GPD2: variants seen among roughly 807,000 people sequenced by gnomAD.
GPD2 encodes the protein glycerol-3-phosphate dehydrogenase, mitochondrial.
Under a neutral mutation model 82.4 loss-of-function variants are expected in GPD2, and 54 were observed. That is an observed-to-expected ratio of 0.66 (90% CI 0.53 to 0.82). The LOEUF (loss-of-function observed/expected upper bound fraction) is 0.82, where lower values mean the gene tolerates loss of function less well. Among genes scored for constraint, GPD2 ranks in the 40% least tolerant of loss-of-function variants. The pLI is 0.00. For synonymous variants in GPD2, 288 were observed against 306.1 expected (o/e 0.94, Z 0.62); for missense variants, 748 against 896.2 (o/e 0.83, Z 2.11).
At position 156,583,062 on chromosome 2, in the gene GPD2, G is replaced by T; in HGVS notation, c.*144G>T. 2.3e-6 allele frequency: 2 copies of T among 853,474 alleles called. No individual in the cohort carries two copies. Among genetic ancestry groups the T allele is most frequent in the Non-Finnish European group, 3.8e-6 (2 of 520,354 alleles). The allele number at this position is 853,474 out of a possible 1,614,324, so 52.9% of individuals were successfully genotyped here. A position where few individuals can be genotyped will look rare whatever the true frequency, so the allele number is the denominator to read the frequency against. On this transcript the variant is annotated 3_prime_UTR_variant, in exon 17 of 17. Transcript: ENST00000438166. ...AGAAAACATTCCAAAACTTTAAGGTGTTGGTGTATTTGCCAGCTTTATTTG... is the reference window on the plus strand; with the variant it reads ...AGAAAACATTCCAAAACTTTAAGGTTTTGGTGTATTTGCCAGCTTTATTTG...
chr2:156,496,727 G>A (rs1684395984), intron 3 of GPD2, among the ~76,000 whole-genome samples: 1 of 151,582 alleles, frequency 6.6e-6, no homozygotes, highest in Non-Finnish European at 1.5e-5. Flanking sequence ...TTTTTTTAAA[G>A]CACATATTTA....
At chr2:156,414,145 G>A in the GPD2 span, among the ~76,000 whole-genome samples, 4 of 152,066 alleles carry the variant, frequency 2.6e-5, no homozygotes, top group African/African-American at 9.7e-5. Context: ...AAAGAATAGG[G>A]TCTTGATGTT....
At chr2:156,533,474 T>C (rs1262080560) in intron 6 of GPD2, among the ~76,000 whole-genome samples, 1 of 152,222 alleles carries the variant, frequency 6.6e-6, no homozygotes, top group Non-Finnish European at 1.5e-5. Flanking sequence ...TTTTAGTCCA[T>C]TGAATAATCT....
chr2:156,510,332 C>T (rs775829465), intron 3 of GPD2, among the ~76,000 whole-genome samples: 2 of 152,108 alleles, frequency 1.3e-5, no homozygotes, highest in Non-Finnish European at 2.9e-5. Context: ...AGTCAACACA[C>T]AGAAGGAAGT....
intron 6 of GPD2, among the ~76,000 whole-genome samples, chr2:156,531,217 C>T (rs946051309): frequency 6.6e-6 from 1 of 152,196 alleles, no homozygotes; most frequent in African/African-American, 2.4e-5. Context: ...TTTAATTCAC[C>T]CCTGCCCCCT....
At chr2:156,465,169 A>G (rs298254) in intron 1 of GPD2, among the ~76,000 whole-genome samples, 139,871 of 152,230 alleles carry the variant, frequency 0.92, 65,421 homozygotes, top group East Asian at 1. Flanking sequence ...GTTTTCTTAC[A>G]AAACATTTTA....
At chr2:156,410,614 T>C in the GPD2 span, among the ~76,000 whole-genome samples, 4 of 152,190 alleles carry the variant, frequency 2.6e-5, no homozygotes, top group African/African-American at 7.2e-5. Flanking sequence ...CAAGCAACCC[T>C]CCCGTCTCAC....
chr2:156,551,139 T>A (rs1686743690), intron 8 of GPD2, among the ~76,000 whole-genome samples: 1 of 152,192 alleles, frequency 6.6e-6, no homozygotes, highest in Non-Finnish European at 1.5e-5. Flanking sequence ...AATTTGCTTA[T>A]GAAGAATCTG....
the GPD2 span, among the ~76,000 whole-genome samples, chr2:156,403,497 C>G: frequency 1.3e-5 from 2 of 152,150 alleles, no homozygotes; most frequent in Non-Finnish European, 2.9e-5. Flanking sequence ...GAAAAAGGCT[C>G]TACACCATCC....
At chr2:156,482,084 T>C (rs1468677715) in intron 2 of GPD2, among the ~76,000 whole-genome samples, 1 of 152,178 alleles carries the variant, frequency 6.6e-6, no homozygotes, top group Admixed American at 6.5e-5. Flanking sequence ...TTACCTCTTA[T>C]GAGATTCCCA....
intron 16 of GPD2, among the ~76,000 whole-genome samples, 198 bp downstream of exon 16, chr2:156,579,986 T>C (rs894665622): frequency 6.6e-6 from 1 of 152,218 alleles, no homozygotes; most frequent in Admixed American, 6.5e-5. Context: ...ATTCTTTTCC[T>C]TTTTTTGTAT....
chr2:156,483,955 A>C (rs1683831233), intron 2 of GPD2, among the ~76,000 whole-genome samples: 1 of 150,200 alleles, frequency 6.7e-6, no homozygotes. Context: ...TGTAGCTGAA[A>C]CTATCACATG....
At chr2:156,448,434 A>G (rs925602637) in intron 1 of GPD2, among the ~76,000 whole-genome samples, 3 of 152,224 alleles carry the variant, frequency 2.0e-5, no homozygotes, top group African/African-American at 7.2e-5. Context: ...TTTTCTACAA[A>G]TAAGATTATA....
At chr2:156,461,876 T>C (rs1289405650) in intron 1 of GPD2, among the ~76,000 whole-genome samples, 1 of 152,224 alleles carries the variant, frequency 6.6e-6, no homozygotes, top group Non-Finnish European at 1.5e-5. Flanking sequence ...TGAATGTATG[T>C]TACCTGAACC....
At chr2:156,535,297 GAGAA>G (rs1355107650) in intron 6 of GPD2, among the ~76,000 whole-genome samples, 3 of 149,058 alleles carry the variant, frequency 2.0e-5, no homozygotes, top group African/African-American at 7.4e-5. Flanking sequence ...GAGAAAGAGA[GAGAA>G]AGAAAGAGAA....
At chr2:156,497,760 G>A (rs999401123) in intron 3 of GPD2, among the ~76,000 whole-genome samples, 1 of 152,106 alleles carries the variant, frequency 6.6e-6, no homozygotes, top group African/African-American at 2.4e-5. Context: ...CTAAATAATG[G>A]CAAGTTCAAA....
At chr2:156,463,998 TTTAGTTTGGAAAGGATGCGTTA>T (rs1307738558) in intron 1 of GPD2, among the ~76,000 whole-genome samples, 1 of 152,200 alleles carries the variant, frequency 6.6e-6, no homozygotes, top group Non-Finnish European at 1.5e-5. Flanking sequence ...TATCTTTTTC[TTTAGTTTGGAAAGGATGCGTTA>T]TTCAACTGAG....
intron 11 of GPD2, among the ~76,000 whole-genome samples, chr2:156,569,838 C>G (rs539952990): frequency 6.6e-6 from 1 of 152,214 alleles, no homozygotes; most frequent in African/African-American, 2.4e-5. Flanking sequence ...GAAGTGGTAT[C>G]AGGAGCAAAA....
At chr2:156,480,695 A>T (rs1461080481) in intron 2 of GPD2, among the ~76,000 whole-genome samples, 1 of 151,528 alleles carries the variant, frequency 6.6e-6, no homozygotes, top group Non-Finnish European at 1.5e-5. Context: ...CAAAGCCCGG[A>T]TGTGAAAATT....
Sources: gnomAD v4.1 joint callset for allele counts (sites outside exome capture counted in the v4.1 genomes callset) on GRCh38, gnomAD v4.1.1 for gene constraint, MANE v1.5 for transcripts, NCBI Gene and HGNC (gene_info 2026-07-23, HGNC 2026-07-21) for gene names.